SASH1: variants seen among roughly 807,000 people sequenced by gnomAD.
SASH1 encodes the protein SAM and SH3 domain-containing protein 1.
Under a neutral mutation model 125.2 loss-of-function variants are expected in SASH1, and 44 were observed. The ratio of observed to expected loss-of-function variants is 0.35; its 90% confidence interval spans 0.28 to 0.45. SASH1 has a LOEUF of 0.45. SASH1 is among the 20% of genes least tolerant of loss of function. The pLI is 1.00. For missense variants in SASH1, 1,426 were observed against 1,614.5 expected (o/e 0.88, Z 2.00); for synonymous variants, 639 against 649.1 (o/e 0.98, Z 0.24).
intron 4 of SASH1, among the ~76,000 whole-genome samples, chr6:148,446,401 C>A (rs1247885645): frequency 6.6e-6 from 1 of 152,054 alleles, no homozygotes; most frequent in African/African-American, 2.4e-5. Flanking sequence ...AGCCACCGTG[C>A]CTGGCCAGGG....
intron 1 of SASH1, among the ~76,000 whole-genome samples, chr6:148,360,639 C>CCCCG (rs1554242931): frequency 1.6e-5 from 2 of 126,288 alleles, no homozygotes; most frequent in Non-Finnish European, 3.6e-5. Context: ...GTGAGCCACC[C>CCCCG]CCCCGCCAGG....
chr6:148,399,170 A>G (rs1784071641), intron 2 of SASH1, among the ~76,000 whole-genome samples: 1 of 148,926 alleles, frequency 6.7e-6, no homozygotes. Context: ...CTAAGAGTAG[A>G]GAGAGCTTCA....
At position 148,482,906 on chromosome 6, in the gene SASH1, C is replaced by T. The variant is rs554804720; in HGVS notation, c.628-4708C>T. Among the ~76,000 whole-genome samples the T allele has an allele frequency of 9.2e-5, 14 of 152,086 alleles. No individual in the cohort carries two copies. In the East Asian group the frequency reaches 2.5e-3, roughly 27 times the overall value. ...GTTTCACCATGTTGGCCAGGCTGGT[C>T]TCGAACTCCTGACCTCAAGTGATCC... On this transcript the variant is annotated intron_variant, in intron 7 of 19. Transcript: ENST00000367467.
the SASH1 span, among the ~76,000 whole-genome samples, chr6:148,255,397 C>A: frequency 5.3e-5 from 8 of 152,164 alleles, no homozygotes; most frequent in African/African-American, 1.9e-4. Flanking sequence ...GGGCTCCCAA[C>A]CCTTCAGAAG....
intron 19 of SASH1, among the ~76,000 whole-genome samples, chr6:148,547,212 G>A (rs986699180): frequency 6.6e-6 from 1 of 152,152 alleles, no homozygotes; most frequent in African/African-American, 2.4e-5. Flanking sequence ...GCCATTGTAA[G>A]GTCAAATAAG....
chr6:148,355,040 T>C (rs1583010720), intron 1 of SASH1, among the ~76,000 whole-genome samples: 1 of 152,210 alleles, frequency 6.6e-6, no homozygotes, highest in Non-Finnish European at 1.5e-5. Flanking sequence ...ATTACAGGCA[T>C]GAGCCACCGC....
chr6:148,327,951 A>AAAAAAG (rs1253526004), intron 1 of SASH1, among the ~76,000 whole-genome samples: 48 of 148,278 alleles, frequency 3.2e-4, no homozygotes, highest in East Asian at 1.9e-3. Context: ...AAAAAAAAAA[A>AAAAAAG]AAAAAGAAAA....
intron 4 of SASH1, among the ~76,000 whole-genome samples, chr6:148,444,459 G>A (rs1201307258): frequency 1.3e-5 from 2 of 152,168 alleles, no homozygotes; most frequent in African/African-American, 4.8e-5. Context: ...AGATGTGCTT[G>A]ACCTGCATAT....
chr6:148,402,151 C>T (rs1784193885), intron 2 of SASH1, among the ~76,000 whole-genome samples: 1 of 152,154 alleles, frequency 6.6e-6, no homozygotes, highest in African/African-American at 2.4e-5. Context: ...AGCTATTCTG[C>T]ATCATTGATC....
chr6:148,365,034 A>C (rs1489441878), intron 1 of SASH1, among the ~76,000 whole-genome samples: 1 of 152,074 alleles, frequency 6.6e-6, no homozygotes, highest in East Asian at 1.9e-4. Flanking sequence ...GAGGCAGGAG[A>C]ATCACTTGAA....
At chr6:148,300,759 A>T (rs1257570405) in intron 1 of SASH1, among the ~76,000 whole-genome samples, 1 of 152,126 alleles carries the variant, frequency 6.6e-6, no homozygotes, top group Non-Finnish European at 1.5e-5. Flanking sequence ...CTGGAATTAC[A>T]AATGTAAGCC....
chr6:148,301,326 C>CAAAAA, intron 1 of SASH1, among the ~76,000 whole-genome samples: 1 of 99,770 alleles, frequency 1.0e-5, no homozygotes, highest in African/African-American at 3.9e-5. Context: ...AACTCCATCT[C>CAAAAA]AAAAAAAAAA....
At chr6:148,343,991 C>T in intron 1 of SASH1, among the ~76,000 whole-genome samples, 1 of 152,262 alleles carries the variant, frequency 6.6e-6, no homozygotes, top group Non-Finnish European at 1.5e-5. Context: ...TAAAAGACAA[C>T]TTTAGTTTAA....
the SASH1 span, among the ~76,000 whole-genome samples, chr6:148,234,672 CA>C: frequency 6.6e-6 from 1 of 151,704 alleles, no homozygotes; most frequent in East Asian, 1.9e-4. Context: ...TTAAAAATAC[CA>C]AAAATTAACC....
At chr6:148,440,539 TTGCA>T in intron 4 of SASH1, 132 bp downstream of exon 4, 1 of 742,780 alleles carries the variant, frequency 1.3e-6, no homozygotes, top group Non-Finnish European at 2.3e-6. Flanking sequence ...CCTTAACATG[TTGCA>T]TGCATGTGTG....
At chr6:148,335,909 A>G (rs1247525450) in intron 1 of SASH1, among the ~76,000 whole-genome samples, 10 of 152,190 alleles carry the variant, frequency 6.6e-5, no homozygotes, top group African/African-American at 2.4e-5. Flanking sequence ...GAAATTTCCT[A>G]TTTATAGATA....
At chr6:148,520,212 C>G in intron 10 of SASH1, 1 of 285,848 alleles carries the variant, frequency 3.5e-6, no homozygotes, top group Non-Finnish European at 6.6e-6. Flanking sequence ...GTACAGCCAC[C>G]TGAACCTGAC....
Position 148,514,373 on chromosome 6 carries a change from G to C in SASH1, c.779G>C (p.Arg260Thr). ...DETEESVKFKRLHKLVNSTRR... is the reference protein window; with the variant it reads ...DETEESVKFKTLHKLVNSTRR... Reference sequence around the variant, plus strand: ...ACTGAGGAGTCGGTGAAGTTTAAGAGGTTACACAAGCTGGTAAACTCCACT... The same window carrying C: ...ACTGAGGAGTCGGTGAAGTTTAAGACGTTACACAAGCTGGTAAACTCCACT... Residue 260 changes from arginine (R) to threonine (T), a missense_variant, in exon 9 of 20, where the codon AGG (arginine) becomes ACG (threonine). Coordinates refer to ENST00000367467, the MANE Select transcript of SASH1 (RefSeq NM_015278.5). The C allele has an allele frequency of 6.3e-7, 1 of 1,586,848 alleles. No homozygotes were observed. Among genetic ancestry groups the C allele is most frequent in the Non-Finnish European group, 8.6e-7 (1 of 1,165,262 alleles).
chr6:148,545,962 G>A, intron 18 of SASH1, 53 bp from the exon 19 acceptor site: 1 of 1,583,930 alleles, frequency 6.3e-7, no homozygotes, highest in Non-Finnish European at 8.6e-7. Context: ...CTTAGGGAAA[G>A]AAAAACAAAA....
Sources: gnomAD v4.1 joint callset for allele counts (sites outside exome capture counted in the v4.1 genomes callset) on GRCh38, gnomAD v4.1.1 for gene constraint, MANE v1.5 for transcripts, NCBI Gene and HGNC (gene_info 2026-07-23, HGNC 2026-07-21) for gene names.